The following PGR variants were observed in gnomAD, a reference collection of about 807,000 sequenced individuals.
The protein encoded by PGR is progesterone receptor, also known as nuclear receptor subfamily 3 group C member 3.
PGR carries 25 observed loss-of-function variants against 76.1 expected under a neutral mutation model. That is an observed-to-expected ratio of 0.33 (90% CI 0.24 to 0.46). The LOEUF is 0.46. Ranked by LOEUF, PGR falls within the 20% of genes least tolerant of loss-of-function variation. PGR has a pLI of 1.00. For synonymous variants in PGR, 579 were observed against 535.0 expected, an observed-to-expected ratio of 1.08 and a Z score of -1.14; for missense variants, 1,172 against 1,225.3, an observed-to-expected ratio of 0.96 and a Z score of 0.65.
chr11:101,047,307 A>C, intron 6 of PGR, among the ~76,000 whole-genome samples: 1 of 152,290 alleles, frequency 6.6e-6, no homozygotes, highest in Non-Finnish European at 1.5e-5. Context: ...AGTTTGGAAG[A>C]TCTAGGACTA....
Position 101,091,811 on chromosome 11 carries a change from AGTT to A in PGR, c.1852_1854del (p.Asn618del). ...CACTTTCTAAGGCGACATGCTGGGC[AGTT>A]TTTTCTGCGGATTTTATCAACGATG... On this transcript the variant is annotated inframe_deletion, in exon 3 of 8. Coordinates refer to ENST00000325455, the MANE Select transcript of PGR (RefSeq NM_000926.4). The A allele has an allele frequency of 6.2e-7, 1 of 1,612,252 alleles. No individual in the cohort carries two copies.
intron 5 of PGR, 92 bp from the exon 6 acceptor site, chr11:101,050,151 TG>T: frequency 2.3e-6 from 3 of 1,286,724 alleles, no homozygotes; most frequent in Non-Finnish European, 3.3e-6. Flanking sequence ...AATATGGTTT[TG>T]GTAATTACCT....
chr11:101,072,060 G>A (rs956383189), intron 3 of PGR, among the ~76,000 whole-genome samples: 12 of 111,632 alleles, frequency 1.1e-4, no homozygotes, highest in Admixed American at 4.2e-4. Context: ...AGGAAAAAAC[G>A]TTAAGGGCAG....
rs544012428 is a variant in PGR at position 101,038,450 on chromosome 11, A to G, written c.*666T>C. 1.5e-4 allele frequency: 33 copies of G among 224,480 alleles called. No homozygotes were observed. Among genetic ancestry groups the G allele is most frequent in the African/African-American group, 5.8e-4 (26 of 44,972 alleles). The allele number at this position is 224,480 out of a possible 1,614,324, so 13.9% of individuals were successfully genotyped here. ...AAAAACCTACAAAACCCACAATACT[A>G]TTTGCATAATGATATGAATCTACTT... On this transcript the variant is annotated 3_prime_UTR_variant, in exon 8 of 8. Coordinates refer to ENST00000325455, the MANE Select transcript of PGR (RefSeq NM_000926.4).
chr11:101,082,453 A>G lies in PGR; in HGVS notation c.1906+9307T>C, dbSNP rs149629453. ...TGCAGGGCTCAGAAGACAGAAAGAT[A>G]TGGGAATGTTTGGAACTTCCTGGAG... On this transcript the variant is annotated intron_variant, in intron 3 of 7. Coordinates refer to ENST00000325455, the MANE Select transcript of PGR (RefSeq NM_000926.4). Among the ~76,000 whole-genome samples the G allele has an allele frequency of 2.5e-3, 379 of 152,288 alleles. 2 individuals carry two copies. Among genetic ancestry groups the G allele is most frequent in the Non-Finnish European group, 4.1e-3 (280 of 68,028 alleles).
In PGR at chr11:101,129,037, G is replaced by C. The variant is rs1300411195; in HGVS notation, c.34C>G (p.Pro12Ala). 1 of 1,563,992 alleles carries C rather than the reference G, an allele frequency of 6.4e-7. No individual in the cohort carries two copies. Among genetic ancestry groups the C allele is most frequent in the Admixed American group, 1.9e-5 (1 of 52,792 alleles). ...GAGGGCGGGCCGCCCGCCACGTGGG[G>C]AGCCCGGGGACCCTTTGCCTTCAGC... is the stretch of plus-strand genomic sequence containing the variant. ...TELKAKGPRA[P>A]HVAGGPPSPE... The change falls in exon 1 of 8, where the codon CCC becomes GCC. Residue 12 changes from proline (P) to alanine (A), a missense_variant. Pro to Ala is a conservative substitution (Grantham distance 27). Transcript: ENST00000325455.
At chr11:101,050,093 A>G in intron 5 of PGR, 34 bp from the exon 6 acceptor site, 1 of 1,608,916 alleles carries the variant, frequency 6.2e-7, no homozygotes, top group South Asian at 1.1e-5. Flanking sequence ...AAGAAAAAGC[A>G]ACAGGAAAAA....
rs1313089502 is a variant in PGR, at chr11:101,038,127, G to C, written c.*989C>G. 5.2e-6 allele frequency: 1 copy of C among 193,662 alleles called. No homozygotes were observed. The highest frequency in any genetic ancestry group is 8.1e-5 in the East Asian group (1 of 12,320). The allele number at this position is 193,662 out of a possible 1,614,324, so 12.0% of individuals were successfully genotyped here. A position where few individuals can be genotyped will look rare whatever the true frequency, so the allele number is the denominator to read the frequency against. ...TGGCTGAAACATAATATGAATTCAT[G>C]ATAGTGGAGGATAAAGAGGAGAAAG... On this transcript the variant is annotated 3_prime_UTR_variant, in exon 8 of 8. Transcript: ENST00000325455.
chr11:101,070,966 G>C (rs1860914575), intron 3 of PGR, among the ~76,000 whole-genome samples: 1 of 152,188 alleles, frequency 6.6e-6, no homozygotes, highest in Non-Finnish European at 1.5e-5. Context: ...CAGTGCTCAA[G>C]CTCTGCTAAA....
rs756068415 is a variant in PGR at position 101,128,558 on chromosome 11, C to G, written c.513G>C (p.Lys171Asn). 1.9e-6 allele frequency: 3 copies of G among 1,599,506 alleles called. No homozygotes were observed. In the Admixed American group the frequency reaches 5.1e-5, roughly 27 times the overall value. ...CTGCCGTCCCGGAGCTGTCTCCAAC[C>G]TTGCACCCGGACCGGCTCATGAGCG... ...LSPLMSRSGCKVGDSSGTAAA... is the reference protein window; with the variant it reads ...LSPLMSRSGCNVGDSSGTAAA... The change falls in exon 1 of 8, where the codon AAG becomes AAC. Residue 171 changes from lysine to asparagine, a missense_variant. By Grantham distance (94) the Lys-to-Asn change is moderately conservative. Around this residue, in one of 4 missense-constraint regions of PGR, gnomAD observed 893 missense variants for 785.9 expected, o/e 1.14. Transcript: ENST00000325455.
chr11:101,038,298 A>C lies in PGR; in HGVS notation c.*818T>G, dbSNP rs1166053910. Reference sequence around the variant, plus strand: ...AAAGGTGAGAGAATTGAGAATCAGTAAGAGTGACTAACTTTCAGCATGCCA... The same window carrying C: ...AAAGGTGAGAGAATTGAGAATCAGTCAGAGTGACTAACTTTCAGCATGCCA... On this transcript the variant is annotated 3_prime_UTR_variant, in exon 8 of 8. Transcript: ENST00000325455. 1.6e-4 allele frequency: 33 copies of C among 203,156 alleles called. No homozygotes were observed. In the Admixed American group the frequency reaches 2.0e-3, roughly 12 times the overall value. 12.6% of individuals were successfully genotyped at this position (203,156 alleles called of 1,614,324 possible).
chr11:101,046,638 T>G (rs542491), intron 6 of PGR, among the ~76,000 whole-genome samples: 46,346 of 151,806 alleles, frequency 0.31, 7,828 homozygotes, highest in African/African-American at 0.47. Context: ...GATTGAAGAT[T>G]ATTTCTATTT....
Position 101,128,007 on chromosome 11 carries a change from A to T in PGR, c.1064T>A (p.Val355Glu), listed in dbSNP as rs79179039. The T allele has an allele frequency of 1.2e-6, 2 of 1,610,832 alleles. No homozygotes were observed. The highest frequency in any genetic ancestry group is 1.7e-6 in the Non-Finnish European group (2 of 1,179,838). Reference protein sequence around the residue: ...SPCASSTPVAVGDFPDCAYPP... With the variant: ...SPCASSTPVAEGDFPDCAYPP... Reference sequence around the variant, plus strand: ...GTACGCGCAGTCGGGGAAGTCGCCTACAGCGACCGGGGTGGACGAGGCACA... The same window carrying T: ...GTACGCGCAGTCGGGGAAGTCGCCTTCAGCGACCGGGGTGGACGAGGCACA... Residue 355 changes from valine to glutamate, a missense_variant, in exon 1 of 8, where the codon GTA becomes GAA. Physicochemically the swap from Val to Glu is moderately radical, Grantham distance 121. This residue lies in a region of PGR where 893 missense variants were observed against 785.9 expected (regional missense o/e 1.14). Transcript: ENST00000325455.
chr11:101,117,588 C>T (rs1405947748), intron 2 of PGR, among the ~76,000 whole-genome samples: 1 of 151,902 alleles, frequency 6.6e-6, no homozygotes, highest in Non-Finnish European at 1.5e-5. Context: ...ATCATCTTTC[C>T]ATACTTTTAG....
intron 7 of PGR, 189 bp downstream of exon 7, chr11:101,041,756 T>C (rs1859699730): frequency 1.7e-6 from 1 of 577,948 alleles, no homozygotes; most frequent in Non-Finnish European, 3.1e-6. Flanking sequence ...TAAAAGAATA[T>C]TTGAGTGGTC....
chr11:101,079,183 A>G (rs1209312481), intron 3 of PGR, among the ~76,000 whole-genome samples: 1 of 152,208 alleles, frequency 6.6e-6, no homozygotes, highest in Non-Finnish European at 1.5e-5. Context: ...AACTACTACA[A>G]GAAAACTTTG....
chr11:101,043,219 G>T lies in PGR; in HGVS notation c.2489-1117C>A, dbSNP rs1412839732. The stretch of plus-strand genomic sequence containing the variant: ...TATGTAATCTCCGAAATCCTTTGTT[G>T]TCACTTCAATAATCTTCATAGCATC... On this transcript the variant is annotated intron_variant, in intron 6 of 7. Coordinates refer to ENST00000325455, the MANE Select transcript of PGR (RefSeq NM_000926.4). Among the ~76,000 whole-genome samples, 3 of 152,260 alleles carry T rather than the reference G, an allele frequency of 2.0e-5. No homozygotes were observed. In the East Asian group the frequency reaches 5.8e-4, roughly 29 times the overall value.
chr11:101,127,244 CA>C (rs11571155), intron 1 of PGR, among the ~76,000 whole-genome samples, 189 bp downstream of exon 1: 1 of 152,156 alleles, frequency 6.6e-6, no homozygotes, highest in Non-Finnish European at 1.5e-5. Context: ...TTCGTGTCCC[CA>C]AGAGTGAGGA....
chr11:101,110,562 A>G (rs1467414172), intron 2 of PGR, among the ~76,000 whole-genome samples: 1 of 152,218 alleles, frequency 6.6e-6, no homozygotes, highest in African/African-American at 2.4e-5. Flanking sequence ...TGAGCAAAGA[A>G]AGCGGTTTCT....
Sources: gnomAD v4.1 joint callset for allele counts (sites outside exome capture counted in the v4.1 genomes callset) on GRCh38, gnomAD v4.1.1 for gene constraint, gnomAD v4.1.1 regional missense constraint, MANE v1.5 for transcripts, NCBI Gene and HGNC (gene_info 2026-07-23, HGNC 2026-07-21) for gene names.